Variants in FSD2 observed in about 807,000 individuals in gnomAD.
FSD2 encodes the protein fibronectin type III and SPRY domain-containing protein 2.
FSD2 carries 71 observed loss-of-function variants against 80.4 expected under a neutral mutation model. The ratio of observed to expected loss-of-function variants is 0.88; its 90% CI spans 0.73 to 1.08. The LOEUF (loss-of-function observed/expected upper bound fraction) is 1.08, where lower values mean the gene tolerates loss of function less well. Ranked by LOEUF, FSD2 falls within the 50% of genes least tolerant of loss-of-function variation. The pLI is 0.00. For missense variants in FSD2, 923 were observed against 913.8 expected, an observed-to-expected ratio of 1.01 and a Z score of -0.13; for synonymous variants, 361 against 329.5, an observed-to-expected ratio of 1.10 and a Z score of -1.03.
At chr15:82,800,522 T>C (rs1291179096) in intron 1 of FSD2, among the ~76,000 whole-genome samples, 1 of 151,208 alleles carries the variant, frequency 6.6e-6, no homozygotes. Context: ...TGAAACCCCG[T>C]CTCTACTAAA....
intron 4 of FSD2, among the ~76,000 whole-genome samples, chr15:82,782,153 C>G (rs573119465): frequency 6.7e-6 from 1 of 149,460 alleles, no homozygotes. Flanking sequence ...CCCAGCACTT[C>G]GGGAGGCCAA....
chr15:82,793,766 T>C (rs986395080), intron 1 of FSD2, among the ~76,000 whole-genome samples: 2 of 152,212 alleles, frequency 1.3e-5, no homozygotes, highest in African/African-American at 2.4e-5. Context: ...TTAAATTATC[T>C]AATTTATTCA....
chr15:82,796,005 T>C (rs1307953685), intron 1 of FSD2, among the ~76,000 whole-genome samples: 153 of 148,324 alleles, frequency 1.0e-3, no homozygotes, highest in Middle Eastern at 3.4e-3. Flanking sequence ...CTTTTCTTTT[T>C]TTTTTTTTTT....
At chr15:82,782,107 A>AATAATAATAAT (rs1567310566) in intron 4 of FSD2, among the ~76,000 whole-genome samples, 1 of 56,564 alleles carries the variant, frequency 1.8e-5, no homozygotes. Flanking sequence ...ATAATAATAA[A>AATAATAATAAT]ACTCTTGGCC....
chr15:82,769,789 C>T lies in FSD2; in HGVS notation c.1363G>A (p.Gly455Ser), dbSNP rs1030749818. 4 of 1,613,824 alleles carry T rather than the reference C, an allele frequency of 2.5e-6. No individual in the cohort carries two copies. The African/African-American group carries it at 4.0e-5, about 16-fold the overall frequency. Residue 455 changes from glycine (G) to serine (S), a missense_variant, in exon 8 of 13, where the codon GGC (glycine) becomes AGC (serine). By Grantham distance (56) the Gly-to-Ser change is moderately conservative. Coordinates refer to ENST00000334574, the MANE Select transcript of FSD2 (RefSeq NM_001007122.4). ...EFWVTAHNRA[G>S]PSPSSERAVY... The stretch of plus-strand genomic sequence containing the variant: ...GCACGCTCGCTAGAGGGGCTGGGGC[C>T]AGCCCTGTTGTGAGCTGTGACCCAA...
chr15:82,767,768 A>T (rs2049457319), intron 9 of FSD2, among the ~76,000 whole-genome samples: 1 of 152,208 alleles, frequency 6.6e-6, no homozygotes, highest in Admixed American at 6.5e-5. Context: ...CCATGGACAC[A>T]CAGATTCCAC....
chr15:82,762,308 T>C, intron 11 of FSD2, 30 bp from the exon 12 acceptor site: 3 of 1,605,728 alleles, frequency 1.9e-6, no homozygotes, highest in Non-Finnish European at 2.6e-6. Flanking sequence ...GCATGTGTGA[T>C]CTGGGGTGCC....
intron 3 of FSD2, among the ~76,000 whole-genome samples, chr15:82,783,804 C>T (rs2049930811): frequency 1.3e-5 from 2 of 152,118 alleles, no homozygotes; most frequent in South Asian, 4.1e-4. Context: ...CAACTAGGAT[C>T]ATATCAACTA....
At chr15:82,784,008 C>T (rs1437047878) in intron 3 of FSD2, among the ~76,000 whole-genome samples, 1 of 152,132 alleles carries the variant, frequency 6.6e-6, no homozygotes, top group African/African-American at 2.4e-5. Flanking sequence ...TGATGGATGT[C>T]ATCCTCATCA....
chr15:82,766,250 T>C (rs575247835), intron 9 of FSD2, among the ~76,000 whole-genome samples: 9 of 152,330 alleles, frequency 5.9e-5, no homozygotes, highest in Non-Finnish European at 1.2e-4. Flanking sequence ...TTCTTGTGTT[T>C]GTGGCTGTCT....
At chr15:82,793,240 ACAGGTACCTGG>A (rs935402716) in intron 1 of FSD2, among the ~76,000 whole-genome samples, 1 of 151,738 alleles carries the variant, frequency 6.6e-6, no homozygotes, top group Non-Finnish European at 1.5e-5. Context: ...ATTAGGGATT[ACAGGTACCTGG>A]CACCACGCCT....
chr15:82,769,724 G>C (rs2049515076), intron 8 of FSD2, 26 bp downstream of exon 8: 1 of 1,592,506 alleles, frequency 6.3e-7, no homozygotes, highest in Admixed American at 1.7e-5. Context: ...TGAAAGCCCT[G>C]CTATAGGAAA....
At chr15:82,779,433 G>A (rs1180276422) in intron 5 of FSD2, among the ~76,000 whole-genome samples, 1 of 152,170 alleles carries the variant, frequency 6.6e-6, no homozygotes, top group East Asian at 1.9e-4. Flanking sequence ...GGGAGGCCAA[G>A]GCAGGCAGAG....
intron 1 of FSD2, among the ~76,000 whole-genome samples, chr15:82,799,653 C>T (rs1057213314): frequency 2.0e-5 from 3 of 152,174 alleles, no homozygotes; most frequent in Non-Finnish European, 2.9e-5. Context: ...TGTGGTGTGA[C>T]GTCACCTCCA....
At position 82,759,597 on chromosome 15, in the gene FSD2, A is replaced by G; in HGVS notation, c.2001T>C (p.His667=). Residue 667 remains histidine, a synonymous_variant, in exon 13 of 13, where the codon CAT becomes CAC. Transcript: ENST00000334574. ...TTCTGTTGTGCAGAAATTCATACTT[A>G]TGCCTGAAAATTAAATTTGACATAA... ...CMRHTFASSR[H]KYEFLHNRTT... 6.4e-7 allele frequency: 1 copy of G among 1,561,852 alleles called. No individual in the cohort carries two copies. The highest frequency in any genetic ancestry group is 8.7e-7 in the Non-Finnish European group (1 of 1,153,756).
At position 82,790,439 on chromosome 15, in the gene FSD2, C is replaced by G. The variant is rs186050914; in HGVS notation, c.-78-2971G>C. On this transcript the variant is annotated intron_variant, in intron 1 of 12. Coordinates refer to ENST00000334574, the MANE Select transcript of FSD2 (RefSeq NM_001007122.4). The stretch of plus-strand genomic sequence containing the variant: ...TTTATTGCTCACACAGGTATTTCCT[C>G]TAATAAAATTATTTTCCATCTTATG... Among the ~76,000 whole-genome samples, 107 of 152,286 alleles carry G rather than the reference C, an allele frequency of 7.0e-4. 1 individual carries two copies. The highest frequency in any genetic ancestry group is 2.1e-3 in the Admixed American group (32 of 15,294).
rs1264866313 is a variant in FSD2 at position 82,769,038 on chromosome 15, T to C, written c.1403-8A>G. 6.4e-7 allele frequency: 1 copy of C among 1,564,452 alleles called. No homozygotes were observed. ...TAATGGGGGGAGAAGGTGCTAAATG[T>C]GGGAGAAAGGGAGAGATGAACAACT... is the stretch of plus-strand genomic sequence containing the variant. On this transcript the variant is annotated splice_polypyrimidine_tract_variant and splice_region_variant and intron_variant, in intron 8 of 12. Transcript: ENST00000334574.
rs1435742271 is a variant in FSD2, at chr15:82,782,088, AT to A, written c.966+706del. Reference sequence around the variant, plus strand: ...CAAAATAATAATAATAATAATAATAATAATAATAATAATAATAAAACTCTTG... The same window carrying A: ...CAAAATAATAATAATAATAATAATAAAATAATAATAATAATAAAACTCTTG... On this transcript the variant is annotated intron_variant, in intron 4 of 12. Coordinates refer to ENST00000334574, the MANE Select transcript of FSD2 (RefSeq NM_001007122.4). Among the ~76,000 whole-genome samples, 92 of 128,022 alleles carry A rather than the reference AT, an allele frequency of 7.2e-4. 1 individual carries two copies. Among genetic ancestry groups the A allele is most frequent in the African/African-American group, 2.5e-3 (85 of 33,460 alleles). 84.0% of individuals were successfully genotyped at this position (128,022 alleles called of 152,430 possible).
intron 6 of FSD2, among the ~76,000 whole-genome samples, chr15:82,772,575 G>A (rs1337854431): frequency 6.6e-6 from 1 of 152,208 alleles, no homozygotes; most frequent in Non-Finnish European, 1.5e-5. Flanking sequence ...TCACAGCACT[G>A]CTGCCTCAGC....
Sources: allele counts gnomAD v4.1 joint callset (sites outside exome capture counted in the v4.1 genomes callset), GRCh38; gene constraint gnomAD v4.1.1; transcripts MANE v1.5; gene names NCBI Gene and HGNC (gene_info 2026-07-23, HGNC 2026-07-21).